Variants in ADAM12 observed in about 807,000 individuals in gnomAD.
The protein encoded by ADAM12 is ADAM metallopeptidase domain 12.
ADAM12 carries 70 observed loss-of-function variants against 106.4 expected under a neutral mutation model. The observed-to-expected ratio is 0.66, with a 90% CI of 0.54 to 0.80. The LOEUF (loss-of-function observed/expected upper bound fraction) is 0.80, where lower values mean the gene tolerates loss of function less well. ADAM12 is among the 30% of genes least tolerant of loss of function. The probability of loss-of-function intolerance (pLI) is 0.00; values close to 1 mark genes in which losing one functional copy is unlikely to be tolerated. For synonymous variants in ADAM12, 420 were observed against 433.5 expected (o/e 0.97, Z 0.39); for missense variants, 1,010 against 1,171.9 (o/e 0.86, Z 2.02).
chr10:126,065,011 G>A lies in ADAM12; in HGVS notation c.1414-10C>T. ...TTCCTGCAGGCTTCAGCTGGAAGGA[G>A]AGGGCCATTTATGACACATGCACCC... On this transcript the variant is annotated splice_polypyrimidine_tract_variant and intron_variant, in intron 13 of 22. Transcript: ENST00000448723. 6.2e-7 allele frequency: 1 copy of A among 1,604,944 alleles called. No individual in the cohort carries two copies. The highest frequency in any genetic ancestry group is 1.1e-5 in the South Asian group (1 of 89,036).
chr10:126,031,173 A>G (rs954932532), intron 21 of ADAM12, among the ~76,000 whole-genome samples: 1 of 152,218 alleles, frequency 6.6e-6, no homozygotes, highest in African/African-American at 2.4e-5. Context: ...ACCAGTTATT[A>G]GCCTGTGCTT....
intron 21 of ADAM12, among the ~76,000 whole-genome samples, chr10:126,024,392 TTTAC>T (rs1953828654): frequency 6.6e-6 from 1 of 152,172 alleles, no homozygotes; most frequent in Admixed American, 6.5e-5. Context: ...AATTTTAGTT[TTTAC>T]TTTTCTATAT....
chr10:126,012,619 G>A lies in ADAM12; in HGVS notation c.*4660C>T, dbSNP rs1169616855. 1 of 152,154 alleles carries A rather than the reference G, an allele frequency of 6.6e-6. No individual in the cohort carries two copies. The highest frequency in any genetic ancestry group is 1.9e-4 in the East Asian group (1 of 5,188). 9.4% of individuals were successfully genotyped at this position (152,154 alleles called of 1,614,324 possible). A position where few individuals can be genotyped will look rare whatever the true frequency, so the allele number is the denominator to read the frequency against. Reference sequence around the variant, plus strand: ...CGTAACTGTATCTTTAATCTGTACTGTGCTAAACAGCCTATAGCCAAGTTT... The same window carrying A: ...CGTAACTGTATCTTTAATCTGTACTATGCTAAACAGCCTATAGCCAAGTTT... On this transcript the variant is annotated 3_prime_UTR_variant, in exon 23 of 23. Transcript: ENST00000448723.
chr10:126,122,634 A>T lies in ADAM12; in HGVS notation c.417-4410T>A, dbSNP rs1399531336. On this transcript the variant is annotated intron_variant, in intron 5 of 22. Transcript: ENST00000448723. ...AAAGTAGCTGGGTGTGGTGGCACGC[A>T]CCTGTAGTCCCAGCTACTTGGGAGG... Among the ~76,000 whole-genome samples, 3 of 152,078 alleles carry T rather than the reference A, an allele frequency of 2.0e-5. No individual in the cohort carries two copies. The East Asian group carries it at 5.8e-4, about 29-fold the overall frequency.
chr10:126,105,016 T>G (rs1284861689), intron 8 of ADAM12, among the ~76,000 whole-genome samples: 5 of 152,150 alleles, frequency 3.3e-5, no homozygotes, highest in African/African-American at 1.2e-4. Flanking sequence ...CCAGGGGGCC[T>G]GGGTATCTCC....
rs1327983749 is a variant in ADAM12, at chr10:126,015,557, C to T, written c.*1722G>A. On this transcript the variant is annotated 3_prime_UTR_variant, in exon 23 of 23. Coordinates refer to ENST00000448723, the MANE Select transcript of ADAM12 (RefSeq NM_001288973.2). Reference sequence around the variant, plus strand: ...AGTTGGAATGTATTAGAGCTGGGTTCCCTTTTGTGTGTGTTTGTGTCACGT... The same window carrying T: ...AGTTGGAATGTATTAGAGCTGGGTTTCCTTTTGTGTGTGTTTGTGTCACGT... 1 of 152,150 alleles carries T rather than the reference C, an allele frequency of 6.6e-6. No homozygotes were observed. The allele number at this position is 152,150 out of a possible 1,614,324, so 9.4% of individuals were successfully genotyped here.
chr10:126,200,807 G>A (rs184662710), intron 3 of ADAM12, among the ~76,000 whole-genome samples: 3 of 145,900 alleles, frequency 2.1e-5, no homozygotes, highest in African/African-American at 8.2e-5. Flanking sequence ...CCCAGGATGT[G>A]GTTTGAGATG....
chr10:126,234,515 G>A (rs565029440), intron 3 of ADAM12, among the ~76,000 whole-genome samples: 269 of 152,188 alleles, frequency 1.8e-3, no homozygotes, highest in Non-Finnish European at 2.9e-3. Context: ...TCAACAAGAC[G>A]ACTCCTTTCT....
chr10:126,084,765 T>G (rs1955303557), intron 11 of ADAM12, among the ~76,000 whole-genome samples: 1 of 151,894 alleles, frequency 6.6e-6, no homozygotes, highest in South Asian at 2.1e-4. Context: ...CTCTCAACCC[T>G]CCCCATCCCC....
At chr10:126,121,419 A>ATAT (rs1341748543) in intron 5 of ADAM12, among the ~76,000 whole-genome samples, 1 of 128,102 alleles carries the variant, frequency 7.8e-6, no homozygotes, top group Non-Finnish European at 1.6e-5. Context: ...ATTATATAAT[A>ATAT]TGCAATATAT....
intron 3 of ADAM12, among the ~76,000 whole-genome samples, chr10:126,213,126 A>G (rs975953815): frequency 1.3e-5 from 2 of 152,202 alleles, no homozygotes; most frequent in Non-Finnish European, 2.9e-5. Context: ...TAAGTGCTCA[A>G]TAAATACCTG....
intron 4 of ADAM12, chr10:126,145,472 A>C (rs1318551753): frequency 1.4e-5 from 1 of 70,514 alleles, no homozygotes; most frequent in African/African-American, 4.4e-5. Flanking sequence ...GCAGTGTAGC[A>C]CAGCATATAG....
chr10:126,308,967 G>T (rs1423753828), intron 2 of ADAM12, among the ~76,000 whole-genome samples: 1 of 152,116 alleles, frequency 6.6e-6, no homozygotes, highest in Non-Finnish European at 1.5e-5. Flanking sequence ...GTAGATATCT[G>T]CCATTTTTGC....
At chr10:126,017,426 C>A in intron 22 of ADAM12, 87 bp from the exon 23 acceptor site, 1 of 1,292,392 alleles carries the variant, frequency 7.7e-7, no homozygotes, top group South Asian at 1.3e-5. Context: ...GAGATGTATT[C>A]TGATAGTCTG....
chr10:126,105,139 G>A (rs1367334438), intron 8 of ADAM12, among the ~76,000 whole-genome samples: 1 of 152,190 alleles, frequency 6.6e-6, no homozygotes, highest in African/African-American at 2.4e-5. Context: ...AGCCAGGCCG[G>A]CAAACTCCAC....
chr10:126,181,759 G>A (rs1957316288), intron 3 of ADAM12, among the ~76,000 whole-genome samples: 2 of 152,142 alleles, frequency 1.3e-5, no homozygotes. Context: ...TGCCTTCACT[G>A]GCATTACACC....
At chr10:126,307,260 A>G (rs1044813292) in intron 2 of ADAM12, among the ~76,000 whole-genome samples, 2 of 152,174 alleles carry the variant, frequency 1.3e-5, no homozygotes, top group Non-Finnish European at 2.9e-5. Context: ...TTGCTGTTTT[A>G]CCACACCAAT....
intron 3 of ADAM12, among the ~76,000 whole-genome samples, chr10:126,248,617 A>C (rs1160706778): frequency 6.6e-6 from 1 of 152,148 alleles, no homozygotes; most frequent in Non-Finnish European, 1.5e-5. Flanking sequence ...AATGCATACC[A>C]TGAGCTAGGT....
chr10:126,064,482 C>T lies in ADAM12; in HGVS notation c.1609+324G>A, dbSNP rs1016439749. Among the ~76,000 whole-genome samples, 1 of 152,210 alleles carries T rather than the reference C, an allele frequency of 6.6e-6. No individual in the cohort carries two copies. The highest frequency in any genetic ancestry group is 1.5e-5 in the Non-Finnish European group (1 of 68,016). ...GGGCACGCAGTAGGTGCTCCTGCAG[C>T]TCCCGTATCTCCCGGGGCACACAGG... is the stretch of plus-strand genomic sequence containing the variant. On this transcript the variant is annotated intron_variant, in intron 14 of 22. Coordinates refer to ENST00000448723, the MANE Select transcript of ADAM12 (RefSeq NM_001288973.2). The surrounding 1 kb of genome is among the most constrained non-coding windows in gnomAD (Gnocchi z 4.4).
Sources: allele counts gnomAD v4.1 joint callset (sites outside exome capture counted in the v4.1 genomes callset), GRCh38; gene constraint gnomAD v4.1.1; non-coding constraint Gnocchi (gnomAD v3.1); transcripts MANE v1.5; gene names NCBI Gene and HGNC (gene_info 2026-07-23, HGNC 2026-07-21).